The following CEP120 variants were observed in gnomAD, a reference collection of about 807,000 sequenced individuals.
CEP120 encodes centrosomal protein of 120 kDa.
A neutral mutation model predicts 126.5 loss-of-function variants in CEP120; 113 were observed. The observed-to-expected ratio is 0.89, with a 90% CI of 0.77 to 1.04. The LOEUF (loss-of-function observed/expected upper bound fraction) is 1.04. CEP120 is among the 50% of genes least tolerant of loss of function. CEP120 has a pLI of 0.00. For synonymous variants in CEP120, 400 were observed against 394.3 expected (o/e 1.01, Z -0.17); for missense variants, 1,230 against 1,155.7 (o/e 1.06, Z -0.93).
chr5:123,346,725 G>A lies in CEP120; in HGVS notation c.2755C>T (p.Gln919Ter). 1 of 1,610,212 alleles carries A rather than the reference G, an allele frequency of 6.2e-7. No homozygotes were observed. The highest frequency in any genetic ancestry group is 2.2e-5 in the East Asian group (1 of 44,764). ...CCACTTGCAATCTCTGTGGAATCCT[G>A]GTATTGTTTTTGCTCTTGTTGCCTT... ...RLRQQEQKQY[Q>*]DSTEIASGKK... The change falls in exon 20 of 20, where the codon CAG becomes TAG. Residue 919 changes from glutamine to a stop codon, truncating the protein, a stop_gained. Transcript: ENST00000306467. LOFTEE classifies it high-confidence loss of function.
At chr5:123,383,847 AC>A (rs1281664125) in intron 11 of CEP120, among the ~76,000 whole-genome samples, 1 of 152,166 alleles carries the variant, frequency 6.6e-6, no homozygotes, top group African/African-American at 2.4e-5. Flanking sequence ...GTAATACAAA[AC>A]CATGGTTTTG....
chr5:123,378,966 A>C (rs546515575), intron 14 of CEP120, among the ~76,000 whole-genome samples: 1 of 152,102 alleles, frequency 6.6e-6, no homozygotes, highest in Non-Finnish European at 1.5e-5. Context: ...CATGAGGAGA[A>C]TCTAGCATGA....
At chr5:123,350,977 T>C (rs1769162625) in intron 18 of CEP120, among the ~76,000 whole-genome samples, 2 of 152,204 alleles carry the variant, frequency 1.3e-5, no homozygotes, top group Admixed American at 6.5e-5. Flanking sequence ...CAGGAATCCT[T>C]ACGTCATTTT....
intron 5 of CEP120, among the ~76,000 whole-genome samples, chr5:123,395,922 TC>T (rs1772757894): frequency 6.6e-6 from 1 of 151,668 alleles, no homozygotes; most frequent in South Asian, 2.1e-4. Context: ...GACCTCGTGA[TC>T]CGCCCTCCTC....
At chr5:123,413,724 A>C (rs748371799) in intron 3 of CEP120, among the ~76,000 whole-genome samples, 16 of 152,260 alleles carry the variant, frequency 1.1e-4, no homozygotes, top group Non-Finnish European at 2.4e-4. Context: ...GTAAAATAGA[A>C]TTAAGTAGGC....
At chr5:123,372,359 A>G (rs1476216692) in intron 17 of CEP120, among the ~76,000 whole-genome samples, 1 of 152,078 alleles carries the variant, frequency 6.6e-6, no homozygotes, top group African/African-American at 2.4e-5. Flanking sequence ...TATCCTGCCC[A>G]TATTCTGAAA....
intron 1 of CEP120, chr5:123,422,550 G>A (rs922955574): frequency 2.0e-6 from 3 of 1,535,212 alleles, no homozygotes; most frequent in East Asian, 2.4e-5. Flanking sequence ...AATTGCCTCC[G>A]GAACACTTCT....
Position 123,401,154 on chromosome 5 carries a change from C to T in CEP120, c.464-1870G>A, listed in dbSNP as rs189178538. On this transcript the variant is annotated intron_variant, in intron 4 of 19. Coordinates refer to ENST00000306467, the MANE Select transcript of CEP120 (RefSeq NM_001375405.1). ...CCCAGACTCCAGCCGGCTCTCCTCGCCCTCCAGCAGCTTCTTGTAGGTGGC... is the reference window on the plus strand; with the variant it reads ...CCCAGACTCCAGCCGGCTCTCCTCGTCCTCCAGCAGCTTCTTGTAGGTGGC... 4.2e-4 allele frequency: 671 copies of T among 1,609,546 alleles called. 9 individuals carry two copies. In the East Asian group the frequency reaches 0.014, roughly 34 times the overall value.
chr5:123,395,650 T>C (rs1297854450), intron 5 of CEP120, among the ~76,000 whole-genome samples: 1 of 151,846 alleles, frequency 6.6e-6, no homozygotes, highest in Non-Finnish European at 1.5e-5. Context: ...CACCATTCCT[T>C]TATGTTGTGG....
chr5:123,408,651 C>A lies in CEP120; in HGVS notation c.463+3748G>T, dbSNP rs75977870. On this transcript the variant is annotated intron_variant, in intron 4 of 19. Transcript: ENST00000306467. ...CAATAACCTTCCCAAACAGAAAGTA[C>A]CAGGTCTAGAGATCACTGGTGAATT... 3.4e-3 allele frequency among the ~76,000 whole-genome samples: 510 copies of A among 152,134 alleles called. 3 individuals carry two copies. The highest frequency in any genetic ancestry group is 0.012 in the African/African-American group (478 of 41,524).
chr5:123,351,344 GTAGT>G (rs1243233765), intron 18 of CEP120, among the ~76,000 whole-genome samples: 2 of 152,128 alleles, frequency 1.3e-5, no homozygotes, highest in Non-Finnish European at 2.9e-5. Context: ...ATTGTTCTCT[GTAGT>G]TAATCATTTA....
intron 19 of CEP120, among the ~76,000 whole-genome samples, chr5:123,349,205 A>C (rs1769034370): frequency 6.6e-6 from 1 of 152,142 alleles, no homozygotes; most frequent in Admixed American, 6.6e-5. Context: ...TTAAAATGCA[A>C]TCTCTGGAAT....
intron 18 of CEP120, among the ~76,000 whole-genome samples, chr5:123,357,748 T>C (rs1467732799): frequency 3.3e-5 from 5 of 152,072 alleles, no homozygotes. Context: ...ACAGACCTTG[T>C]TTGAAAAGCA....
At chr5:123,386,868 C>G (rs1033333311) in intron 9 of CEP120, among the ~76,000 whole-genome samples, 2 of 152,096 alleles carry the variant, frequency 1.3e-5, no homozygotes, top group African/African-American at 4.8e-5. Context: ...TTTATCTCTG[C>G]ACTCCCAGGG....
chr5:123,418,213 T>A lies in CEP120; in HGVS notation c.206+146A>T. The A allele has an allele frequency of 1.1e-5, 6 of 559,552 alleles. No homozygotes were observed. In the South Asian group the frequency reaches 2.4e-4, roughly 22 times the overall value. The allele number at this position is 559,552 out of a possible 1,614,324, so 34.7% of individuals were successfully genotyped here. ...ATTTCATGTTTAGACTTGGGTCCCATCCCCAAGGTATCTTTGATTATGCAG... is the reference window on the plus strand; with the variant it reads ...ATTTCATGTTTAGACTTGGGTCCCAACCCCAAGGTATCTTTGATTATGCAG... On this transcript the variant is annotated intron_variant, in intron 2 of 19. Transcript: ENST00000306467.
intron 19 of CEP120, among the ~76,000 whole-genome samples, chr5:123,349,004 C>T (rs1580619898): frequency 1.3e-5 from 2 of 152,140 alleles, no homozygotes; most frequent in Non-Finnish European, 2.9e-5. Context: ...TAAAACTGCA[C>T]TTTGCTCAAA....
rs1242161523 is a variant in CEP120, at chr5:123,385,086, T to C, written c.1628A>G (p.Asp543Gly). 23 of 1,613,408 alleles carry C rather than the reference T, an allele frequency of 1.4e-5. No homozygotes were observed. Among genetic ancestry groups the C allele is most frequent in the Non-Finnish European group, 1.9e-5 (23 of 1,179,734 alleles). ...GATTCTCGCAATTCCCAGAAGTAAA[T>C]CTTTACTCATTTTATCCTTGTGCCA... Reference protein sequence around the residue: ...ELWHKDKMSKDLLLGIARIQL... With the variant: ...ELWHKDKMSKGLLLGIARIQL... The change falls in exon 11 of 20, where the codon GAT (aspartate) becomes GGT (glycine). Residue 543 changes from aspartate to glycine, a missense_variant. Coordinates refer to ENST00000306467, the MANE Select transcript of CEP120 (RefSeq NM_001375405.1).
At chr5:123,396,706 G>C (rs1322249781) in intron 5 of CEP120, among the ~76,000 whole-genome samples, 1 of 152,132 alleles carries the variant, frequency 6.6e-6, no homozygotes, top group Non-Finnish European at 1.5e-5. Flanking sequence ...GAAGGAGCTA[G>C]AAAACAGAAT....
chr5:123,346,792 T>C, intron 19 of CEP120, 39 bp from the exon 20 acceptor site: 1 of 1,409,210 alleles, frequency 7.1e-7, no homozygotes, highest in Non-Finnish European at 9.5e-7. Flanking sequence ...AGCAACTGTG[T>C]TGGTTTTCTT....
Sources: allele counts gnomAD v4.1 joint callset (sites outside exome capture counted in the v4.1 genomes callset), GRCh38; gene constraint gnomAD v4.1.1; transcripts MANE v1.5; gene names NCBI Gene and HGNC (gene_info 2026-07-23, HGNC 2026-07-21).